Variants in ASTN2 observed in about 807,000 individuals in gnomAD.
ASTN2 encodes the protein astrotactin 2, also known as astrotactin-2.
A neutral mutation model predicts 139.8 loss-of-function variants in ASTN2; 54 were observed. That is an observed-to-expected ratio of 0.39 (90% CI 0.31 to 0.48). ASTN2 has a LOEUF of 0.48. Ranked by LOEUF, ASTN2 falls within the 20% of genes least tolerant of loss-of-function variation. The pLI is 0.95. For synonymous variants in ASTN2, 756 were observed against 719.5 expected (o/e 1.05, Z -0.81); for missense variants, 1,565 against 1,725.1 (o/e 0.91, Z 1.64).
chr9:116,715,241 A>G (rs1483777987), intron 16 of ASTN2, among the ~76,000 whole-genome samples: 1 of 152,188 alleles, frequency 6.6e-6, no homozygotes, highest in African/African-American at 2.4e-5. Flanking sequence ...GACAGTTCTC[A>G]GCTGTGGACA....
intron 10 of ASTN2, among the ~76,000 whole-genome samples, chr9:116,949,428 C>CTCTT (rs1835495723): frequency 6.6e-6 from 1 of 151,958 alleles, no homozygotes; most frequent in Non-Finnish European, 1.5e-5. Flanking sequence ...ACCTCTCTCT[C>CTCTT]TCTTGCCTTT....
At chr9:116,950,819 C>T (rs1238780028) in intron 10 of ASTN2, among the ~76,000 whole-genome samples, 1 of 152,214 alleles carries the variant, frequency 6.6e-6, no homozygotes, top group Non-Finnish European at 1.5e-5. Context: ...CCAGTCATAG[C>T]ACCTGATTCC....
intron 15 of ASTN2, among the ~76,000 whole-genome samples, chr9:116,727,880 A>G (rs1828673778): frequency 6.6e-6 from 1 of 152,214 alleles, no homozygotes; most frequent in Non-Finnish European, 1.5e-5. Flanking sequence ...GAACTATTAT[A>G]AAATGCTTAA....
At chr9:116,768,697 T>A (rs1344070000) in intron 13 of ASTN2, among the ~76,000 whole-genome samples, 1 of 152,192 alleles carries the variant, frequency 6.6e-6, no homozygotes, top group Non-Finnish European at 1.5e-5. Flanking sequence ...CCCGCTTGCC[T>A]CTTCCACCAT....
At chr9:116,953,874 T>G (rs1316193231) in intron 10 of ASTN2, among the ~76,000 whole-genome samples, 4 of 152,180 alleles carry the variant, frequency 2.6e-5, no homozygotes, top group African/African-American at 9.7e-5. Context: ...TCTGTATCCA[T>G]CAGTCATCTG....
chr9:116,859,284 T>A lies in ASTN2; in HGVS notation c.2040+4299A>T, dbSNP rs530196947. 2.6e-5 allele frequency among the ~76,000 whole-genome samples: 4 copies of A among 152,344 alleles called. No individual in the cohort carries two copies. In the South Asian group the frequency reaches 6.2e-4, roughly 24 times the overall value. On this transcript the variant is annotated intron_variant, in intron 11 of 22. Coordinates refer to ENST00000313400, the MANE Select transcript of ASTN2 (RefSeq NM_001365068.1). Reference sequence around the variant, plus strand: ...GGTTCTGGGAATTAGGATGTGGACATCTTTGCAGGGGCCATTATTTTGCCT... The same window carrying A: ...GGTTCTGGGAATTAGGATGTGGACAACTTTGCAGGGGCCATTATTTTGCCT...
At chr9:116,821,478 A>G (rs1195126969) in intron 11 of ASTN2, among the ~76,000 whole-genome samples, 1 of 152,118 alleles carries the variant, frequency 6.6e-6, no homozygotes, top group Non-Finnish European at 1.5e-5. Flanking sequence ...CTGGAGCCCT[A>G]AGTAAGATTC....
At chr9:117,390,179 T>C (rs1435146712) in intron 1 of ASTN2, among the ~76,000 whole-genome samples, 1 of 152,240 alleles carries the variant, frequency 6.6e-6, no homozygotes, top group African/African-American at 2.4e-5. Flanking sequence ...ACAGATATTT[T>C]TTAAATTAAT....
At chr9:117,293,080 C>T (rs1427717458) in intron 1 of ASTN2, among the ~76,000 whole-genome samples, 1 of 151,320 alleles carries the variant, frequency 6.6e-6, no homozygotes, top group Admixed American at 6.6e-5. Context: ...ATTCATCCTT[C>T]AGCTGCTCTG....
intron 17 of ASTN2, among the ~76,000 whole-genome samples, chr9:116,640,445 A>G (rs113147187): frequency 2.0e-5 from 3 of 152,350 alleles, no homozygotes; most frequent in African/African-American, 7.2e-5. Context: ...AACAAGGAGG[A>G]TCTTATCAAA....
At chr9:116,987,827 G>A (rs1836730163) in intron 7 of ASTN2, among the ~76,000 whole-genome samples, 2 of 152,150 alleles carry the variant, frequency 1.3e-5, no homozygotes, top group Non-Finnish European at 2.9e-5. Flanking sequence ...GTAAAATAAC[G>A]ATTATCCAAA....
intron 19 of ASTN2, among the ~76,000 whole-genome samples, chr9:116,495,189 G>C (rs1053632107): frequency 6.6e-6 from 1 of 152,178 alleles, no homozygotes; most frequent in South Asian, 2.1e-4. Context: ...GCCAGGCATC[G>C]TGCTGAGACT....
intron 6 of ASTN2, among the ~76,000 whole-genome samples, chr9:117,020,599 G>T (rs10817979): frequency 0.23 from 34,695 of 151,920 alleles, 4,401 homozygotes; most frequent in Non-Finnish European, 0.28. Context: ...CCTGCTACAC[G>T]CATCTCTTTT....
At chr9:116,555,443 G>A (rs1318036314) in intron 19 of ASTN2, among the ~76,000 whole-genome samples, 1 of 152,154 alleles carries the variant, frequency 6.6e-6, no homozygotes, top group Non-Finnish European at 1.5e-5. Context: ...AGAGCAGGAA[G>A]GTGAAACCAG....
intron 19 of ASTN2, among the ~76,000 whole-genome samples, chr9:116,563,509 C>G (rs573812123): frequency 6.6e-6 from 1 of 152,276 alleles, no homozygotes; most frequent in East Asian, 1.9e-4. Flanking sequence ...ACATCAGACG[C>G]GCTTCCATCT....
At chr9:117,346,010 C>CAAAAAAAAAAAAAAAAAAAAAAAAA (rs35773511) in intron 1 of ASTN2, among the ~76,000 whole-genome samples, 1 of 92,334 alleles carries the variant, frequency 1.1e-5, no homozygotes, top group African/African-American at 3.8e-5. Context: ...AACTAAGAGG[C>CAAAAAAAAAAAAAAAAAAAAAAAAA]AAAAAAAAAA....
intron 4 of ASTN2, 41 bp from the exon 5 acceptor site, chr9:117,096,192 C>G (rs371583460): frequency 6.5e-7 from 1 of 1,549,148 alleles, no homozygotes; most frequent in Non-Finnish European, 8.9e-7. Flanking sequence ...TCCCAGGCCT[C>G]CAGAAGTTTG....
intron 20 of ASTN2, among the ~76,000 whole-genome samples, chr9:116,444,023 T>C (rs73655116): frequency 0.037 from 5,571 of 152,284 alleles, 336 homozygotes; most frequent in African/African-American, 0.13. Flanking sequence ...CCCTAATATG[T>C]GTCAAGCACT....
intron 1 of ASTN2, among the ~76,000 whole-genome samples, chr9:117,404,761 C>A (rs1830933038): frequency 6.6e-6 from 1 of 152,046 alleles, no homozygotes; most frequent in South Asian, 2.1e-4. Context: ...ATACAAATTT[C>A]TCAGAGGACA....
Sources: allele counts gnomAD v4.1 joint callset (sites outside exome capture counted in the v4.1 genomes callset), GRCh38; gene constraint gnomAD v4.1.1; transcripts MANE v1.5; gene names NCBI Gene and HGNC (gene_info 2026-07-23, HGNC 2026-07-21).